Variants in NEK4 observed in about 807,000 individuals in gnomAD.
NEK4 encodes the protein serine/threonine-protein kinase Nek4.
Under a neutral mutation model 98.4 loss-of-function variants are expected in NEK4, and 86 were observed. That is an observed-to-expected ratio of 0.87 (90% CI 0.73 to 1.05). The LOEUF (loss-of-function observed/expected upper bound fraction) is 1.05, where lower values mean the gene tolerates loss of function less well. Among genes scored for constraint, NEK4 ranks in the 50% least tolerant of loss-of-function variants. NEK4 has a pLI of 0.00. For synonymous variants in NEK4, 328 were observed against 342.2 expected (o/e 0.96, Z 0.46); for missense variants, 898 against 950.3 (o/e 0.94, Z 0.72).
Position 52,763,464 on chromosome 3 carries a change from T to C in NEK4, c.821+6A>G, listed in dbSNP as rs1229962105. ...AGCCCAGCTATTTGCAAGGGAAGTA[T>C]CTTACATCTTTGTGGCCTCCAAAAA... is the stretch of plus-strand genomic sequence containing the variant. On this transcript the variant is annotated splice_donor_region_variant and intron_variant, in intron 5 of 15. Coordinates refer to ENST00000233027, the MANE Select transcript of NEK4 (RefSeq NM_003157.6). The C allele has an allele frequency of 1.9e-6, 3 of 1,611,806 alleles. No homozygotes were observed. The highest frequency in any genetic ancestry group is 3.4e-5 in the Admixed American group (2 of 59,528).
At position 52,739,421 on chromosome 3, in the gene NEK4, C is replaced by G. The variant is rs752836563; in HGVS notation, c.2299+8G>C. 6.2e-7 allele frequency: 1 copy of G among 1,611,380 alleles called. No homozygotes were observed. The highest frequency in any genetic ancestry group is 8.5e-7 in the Non-Finnish European group (1 of 1,177,722). On this transcript the variant is annotated splice_region_variant and intron_variant, in intron 14 of 15. Transcript: ENST00000233027. The stretch of plus-strand genomic sequence containing the variant: ...CTAAAAAACAAAAAATAATAATAAG[C>G]TGATCACCTGAAGGTAGCTCTTTAA...
intron 15 of NEK4, among the ~76,000 whole-genome samples, chr3:52,730,274 A>T (rs2097368351): frequency 6.6e-6 from 1 of 152,212 alleles, no homozygotes; most frequent in Non-Finnish European, 1.5e-5. Context: ...AACTAGTGTA[A>T]GGAGAATGAA....
At position 52,739,636 on chromosome 3, in the gene NEK4, T is replaced by TG. The variant is rs2097382443; in HGVS notation, c.2094-3dup. 1.9e-6 allele frequency: 3 copies of TG among 1,606,562 alleles called. No homozygotes were observed. The highest frequency in any genetic ancestry group is 4.5e-5 in the East Asian group (2 of 44,802). On this transcript the variant is annotated splice_polypyrimidine_tract_variant and splice_region_variant and intron_variant, in intron 13 of 15. Coordinates refer to ENST00000233027, the MANE Select transcript of NEK4 (RefSeq NM_003157.6). ...TTAATTTCATTTGTCTGACCTTTCC[T>TG]GGGGGAAAAAAATATCCCTTTGTTA...
Position 52,709,391 on chromosome 3 carries a change from T to C in NEK4, c.*2386A>G, listed in dbSNP as rs1371392003. 2.0e-5 allele frequency: 3 copies of C among 151,944 alleles called. No homozygotes were observed. Among genetic ancestry groups the C allele is most frequent in the Non-Finnish European group, 4.4e-5 (3 of 67,976 alleles). 9.4% of individuals were successfully genotyped at this position (151,944 alleles called of 1,614,324 possible). A position where few individuals can be genotyped will look rare whatever the true frequency, so the allele number is the denominator to read the frequency against. On this transcript the variant is annotated 3_prime_UTR_variant, in exon 16 of 16. Transcript: ENST00000233027. ...AAGATGTTTAAACAAAATAAAAATATACAGTATGGTAATTAATAAGAAAGT... is the reference window on the plus strand; with the variant it reads ...AAGATGTTTAAACAAAATAAAAATACACAGTATGGTAATTAATAAGAAAGT...
chr3:52,743,762 A>G (rs1236315293), intron 11 of NEK4, among the ~76,000 whole-genome samples: 1 of 152,174 alleles, frequency 6.6e-6, no homozygotes, highest in Non-Finnish European at 1.5e-5. Context: ...TACCCTTAAT[A>G]TGTTTACCAT....
At chr3:52,746,261 A>G (rs546403622) in intron 9 of NEK4, 51 bp from the exon 10 acceptor site, 23 of 1,530,784 alleles carry the variant, frequency 1.5e-5, no homozygotes, top group Non-Finnish European at 2.1e-5. Context: ...GCCCCTTCCA[A>G]TGTTCCCCTA....
At chr3:52,741,924 C>A (rs1322200018) in intron 12 of NEK4, among the ~76,000 whole-genome samples, 2 of 152,136 alleles carry the variant, frequency 1.3e-5, no homozygotes, top group South Asian at 2.1e-4. Context: ...GGATTACAGG[C>A]ACGTGCCGCA....
At chr3:52,734,831 G>C (rs1175609762) in intron 15 of NEK4, 2 of 320,796 alleles carry the variant, frequency 6.2e-6, no homozygotes, top group Non-Finnish European at 1.2e-5. Flanking sequence ...CATTCAGCAA[G>C]AGGATGATAA....
chr3:52,714,406 G>T (rs1233874168), intron 15 of NEK4, among the ~76,000 whole-genome samples: 2 of 152,224 alleles, frequency 1.3e-5, no homozygotes, highest in African/African-American at 4.8e-5. Flanking sequence ...AGCGGTGATG[G>T]CAGGAGCAGC....
intron 12 of NEK4, among the ~76,000 whole-genome samples, chr3:52,741,828 A>T (rs962823991): frequency 6.6e-6 from 1 of 151,812 alleles, no homozygotes; most frequent in African/African-American, 2.4e-5. Context: ...TCGCCAGGCT[A>T]GAGTGCAGTG....
chr3:52,736,725 T>C (rs1357714200), intron 15 of NEK4, among the ~76,000 whole-genome samples: 5 of 152,182 alleles, frequency 3.3e-5, no homozygotes, highest in Non-Finnish European at 7.4e-5. Flanking sequence ...ATGTGCTTTC[T>C]AAAAATGTTG....
chr3:52,741,936 C>T (rs548430672), intron 12 of NEK4, among the ~76,000 whole-genome samples: 6 of 152,188 alleles, frequency 3.9e-5, no homozygotes, highest in African/African-American at 7.2e-5. Flanking sequence ...CGTGCCGCAA[C>T]GCCCAGCTAA....
At chr3:52,767,736 A>G (rs935281710) in intron 2 of NEK4, among the ~76,000 whole-genome samples, 17 of 151,922 alleles carry the variant, frequency 1.1e-4, no homozygotes, top group African/African-American at 3.9e-4. Context: ...AAAAAAAAAA[A>G]GAGAGAAAGT....
At position 52,770,668 on chromosome 3, in the gene NEK4, G is replaced by T. The variant is rs1201241235; in HGVS notation, c.79C>A (p.Arg27=). ...CCCCTGCAGACCTGCTTGCCGTCCC[G>T]CCGGTGCTTCACAAGCGTCACCTCT... is the stretch of plus-strand genomic sequence containing the variant. ...YGEVTLVKHR[R]DGKQYVIKKL... is the part of the protein sequence containing the mutation. Residue 27 remains arginine (R), a synonymous_variant, in exon 1 of 16, where the codon CGG becomes AGG. Transcript: ENST00000233027. 1.3e-6 allele frequency: 2 copies of T among 1,545,984 alleles called. No individual in the cohort carries two copies. Among genetic ancestry groups the T allele is most frequent in the African/African-American group, 2.8e-5 (2 of 72,718 alleles).
chr3:52,726,524 G>A (rs1422203372), intron 15 of NEK4, among the ~76,000 whole-genome samples: 4 of 151,538 alleles, frequency 2.6e-5, no homozygotes, highest in African/African-American at 7.3e-5. Flanking sequence ...CTGTGAATCC[G>A]GGAGGCAGAG....
Position 52,768,319 on chromosome 3 carries a change from C to T in NEK4, c.360+19G>A, listed in dbSNP as rs898650502. The T allele has an allele frequency of 6.2e-7, 1 of 1,603,154 alleles. No individual in the cohort carries two copies. The highest frequency in any genetic ancestry group is 1.1e-5 in the South Asian group (1 of 90,320). ...TGCCATCTGGGAACAAGCTAGGATG[C>T]TATTAGTCTACACAGTACCTGCAAA... is the stretch of plus-strand genomic sequence containing the variant. On this transcript the variant is annotated intron_variant, in intron 2 of 15. Transcript: ENST00000233027.
intron 15 of NEK4, among the ~76,000 whole-genome samples, chr3:52,729,237 G>A (rs1177090753): frequency 6.6e-6 from 1 of 151,982 alleles, no homozygotes; most frequent in Non-Finnish European, 1.5e-5. Context: ...GATATGTGAT[G>A]TCACCCCCAG....
chr3:52,731,310 A>G (rs140544506), intron 15 of NEK4, among the ~76,000 whole-genome samples: 36 of 152,332 alleles, frequency 2.4e-4, no homozygotes, highest in African/African-American at 7.9e-4. Flanking sequence ...GTGGAAATTG[A>G]CAAACAAATT....
At chr3:52,736,447 G>A (rs755943020) in intron 15 of NEK4, among the ~76,000 whole-genome samples, 11 of 152,102 alleles carry the variant, frequency 7.2e-5, no homozygotes, top group Non-Finnish European at 1.3e-4. Flanking sequence ...TTAGCCAAGC[G>A]TGGTGGTGGG....
Sources: allele counts gnomAD v4.1 joint callset (sites outside exome capture counted in the v4.1 genomes callset), GRCh38; gene constraint gnomAD v4.1.1; transcripts MANE v1.5; gene names NCBI Gene and HGNC (gene_info 2026-07-23, HGNC 2026-07-21).